The following GRM7 variants were observed in gnomAD, a reference collection of about 807,000 sequenced individuals.
GRM7 encodes glutamate metabotropic receptor 7.
GRM7 carries 35 observed loss-of-function variants against 84.5 expected under a neutral mutation model. The observed-to-expected ratio is 0.41, with a 90% CI of 0.32 to 0.55. The LOEUF (loss-of-function observed/expected upper bound fraction) is 0.55. Among genes scored for constraint, GRM7 ranks in the 20% least tolerant of loss-of-function variants. GRM7 has a pLI of 0.19. For synonymous variants in GRM7, 487 were observed against 455.1 expected, an observed-to-expected ratio of 1.07 and a Z score of -0.89; for missense variants, 1,003 against 1,194.6, an observed-to-expected ratio of 0.84 and a Z score of 2.36.
intron 1 of GRM7, among the ~76,000 whole-genome samples, chr3:6,931,823 T>C (rs921832239): frequency 6.6e-6 from 1 of 152,268 alleles, no homozygotes; most frequent in African/African-American, 2.4e-5. Flanking sequence ...TGGAAGGCAG[T>C]AGGCATTTGA....
At chr3:7,033,019 G>A (rs2124929832) in intron 1 of GRM7, among the ~76,000 whole-genome samples, 1 of 152,262 alleles carries the variant, frequency 6.6e-6, no homozygotes, top group Non-Finnish European at 1.5e-5. Flanking sequence ...CTGAAATCAA[G>A]GCATCAATAG....
intron 2 of GRM7, among the ~76,000 whole-genome samples, chr3:7,239,324 A>T (rs1262931644): frequency 1.3e-5 from 2 of 152,128 alleles, no homozygotes; most frequent in Non-Finnish European, 2.9e-5. Context: ...TCTAATGCAG[A>T]GTCCAAATGT....
At chr3:7,652,649 T>C (rs1698998324) in intron 8 of GRM7, among the ~76,000 whole-genome samples, 1 of 152,172 alleles carries the variant, frequency 6.6e-6, no homozygotes, top group African/African-American at 2.4e-5. Context: ...ACCCCATGGC[T>C]CTTTTGCAGG....
chr3:7,276,785 T>TCCTCCCTCCCTCCCTCCTC lies in GRM7; in HGVS notation c.737-21896_737-21895insCCCTCCCTCCCTCCTCCCT, dbSNP rs1385259133. ...TTTCTCCCTTCCTTCCTTCCTTCCT[T>TCCTCCCTCCCTCCCTCCTC]CCTTCCTTCCTTCCTTCCTTTTTGG... is the stretch of plus-strand genomic sequence containing the variant. On this transcript the variant is annotated intron_variant, in intron 2 of 9. Transcript: ENST00000357716. 2.1e-4 allele frequency among the ~76,000 whole-genome samples: 13 copies of TCCTCCCTCCCTCCCTCCTC among 62,764 alleles called. 4 individuals are homozygous for TCCTCCCTCCCTCCCTCCTC. The highest frequency in any genetic ancestry group is 2.0e-3 in the South Asian group (2 of 1,024). The allele number at this position is 62,764 out of a possible 152,430, so 41.2% of individuals were successfully genotyped here.
intron 8 of GRM7, among the ~76,000 whole-genome samples, chr3:7,625,773 C>T (rs552689075): frequency 6.6e-6 from 1 of 152,180 alleles, no homozygotes; most frequent in South Asian, 2.1e-4. Flanking sequence ...GTTGCAGTGA[C>T]GATGAGATAT....
At chr3:7,099,357 C>T (rs58259097) in intron 1 of GRM7, among the ~76,000 whole-genome samples, 55,386 of 109,502 alleles carry the variant, frequency 0.51, 17,300 homozygotes, top group African/African-American at 0.84. Context: ...TATATATGTA[C>T]ACATGTATAC....
chr3:7,043,521 AG>A (rs1485477361), intron 1 of GRM7, among the ~76,000 whole-genome samples: 3 of 152,174 alleles, frequency 2.0e-5, no homozygotes, highest in African/African-American at 4.8e-5. Flanking sequence ...GTCTTGAAAA[AG>A]TTCTCTCGGA....
intron 8 of GRM7, among the ~76,000 whole-genome samples, chr3:7,645,561 AAAAAAAAAAAG>A (rs1016150733): frequency 1.3e-5 from 2 of 150,788 alleles, no homozygotes; most frequent in African/African-American, 4.9e-5. Flanking sequence ...AAAAAAAAAA[AAAAAAAAAAAG>A]AAAAGAAAAA....
chr3:7,632,176 T>C (rs1697886197), intron 8 of GRM7, among the ~76,000 whole-genome samples: 1 of 152,078 alleles, frequency 6.6e-6, no homozygotes, highest in Non-Finnish European at 1.5e-5. Flanking sequence ...GAAACTGTGA[T>C]AGGGAGTGTG....
At chr3:7,067,052 G>T (rs1479034355) in intron 1 of GRM7, among the ~76,000 whole-genome samples, 1 of 151,756 alleles carries the variant, frequency 6.6e-6, no homozygotes, top group African/African-American at 2.4e-5. Context: ...GTGACAAACC[G>T]ACAGCCAACA....
At chr3:7,680,396 T>C (rs1700318465) in intron 9 of GRM7, 101 bp downstream of exon 9, 2 of 1,265,960 alleles carry the variant, frequency 1.6e-6, no homozygotes. Flanking sequence ...GTGATCGTTC[T>C]TGTCTTATGG....
rs187236858 is a variant in GRM7, at chr3:7,537,701, A to T, written c.1516-40721A>T. Among the ~76,000 whole-genome samples, 13 of 152,344 alleles carry T rather than the reference A, an allele frequency of 8.5e-5. No individual in the cohort carries two copies. The East Asian group carries it at 2.5e-3, about 29-fold the overall frequency. ...GGAGGGCCTATTCTACAAAGATGGAATGCATAAGCTTACTCTCCTTTGGAA... is the reference window on the plus strand; with the variant it reads ...GGAGGGCCTATTCTACAAAGATGGATTGCATAAGCTTACTCTCCTTTGGAA... On this transcript the variant is annotated intron_variant, in intron 7 of 9. Coordinates refer to ENST00000357716, the MANE Select transcript of GRM7 (RefSeq NM_000844.4).
intron 1 of GRM7, among the ~76,000 whole-genome samples, chr3:6,991,365 C>T (rs929672713): frequency 2.0e-5 from 3 of 152,138 alleles, no homozygotes; most frequent in Non-Finnish European, 2.9e-5. Context: ...ACCTTTGGAC[C>T]TAATCCCTAG....
intron 8 of GRM7, among the ~76,000 whole-genome samples, chr3:7,602,124 C>CACT (rs1168837451): frequency 1.5e-5 from 2 of 132,674 alleles, no homozygotes; most frequent in South Asian, 5.3e-4. Context: ...GTTAAACAAA[C>CACT]ACTTATCTTT....
chr3:7,386,823 C>T (rs1346101845), intron 4 of GRM7, among the ~76,000 whole-genome samples: 1 of 152,118 alleles, frequency 6.6e-6, no homozygotes, highest in Non-Finnish European at 1.5e-5. Context: ...AATTCTGTTT[C>T]TTGTCCTTTG....
intron 4 of GRM7, among the ~76,000 whole-genome samples, chr3:7,315,333 A>G (rs1020980266): frequency 1.3e-5 from 2 of 152,052 alleles, no homozygotes; most frequent in African/African-American, 4.8e-5. Flanking sequence ...TAAATTCTCT[A>G]TTTTACATAG....
At chr3:7,180,889 A>G (rs967920687) in intron 2 of GRM7, among the ~76,000 whole-genome samples, 2 of 152,118 alleles carry the variant, frequency 1.3e-5, no homozygotes, top group African/African-American at 4.8e-5. Context: ...TGAGTTTTCA[A>G]ATTTTAAGCC....
intron 9 of GRM7, among the ~76,000 whole-genome samples, chr3:7,724,968 T>C (rs1702072932): frequency 1.3e-5 from 2 of 152,036 alleles, no homozygotes; most frequent in South Asian, 4.1e-4. Flanking sequence ...TTTACAGAGA[T>C]GGGGTCTTAC....
chr3:6,925,096 G>T (rs954734828), intron 1 of GRM7, among the ~76,000 whole-genome samples: 10 of 152,118 alleles, frequency 6.6e-5, no homozygotes, highest in African/African-American at 2.2e-4. Context: ...AAAGAGAAAA[G>T]CAAAAGTAAT....
Sources: gnomAD v4.1 joint callset for allele counts (sites outside exome capture counted in the v4.1 genomes callset) on GRCh38, gnomAD v4.1.1 for gene constraint, MANE v1.5 for transcripts, NCBI Gene and HGNC (gene_info 2026-07-23, HGNC 2026-07-21) for gene names.